NSUN7: variants seen among roughly 807,000 people sequenced by gnomAD.
The protein encoded by NSUN7 is NOP2/Sun RNA methyltransferase family member 7.
NSUN7 carries 39 observed loss-of-function variants against 58.5 expected under a neutral mutation model. That is an observed-to-expected ratio of 0.67 (90% CI 0.52 to 0.87). NSUN7 has a LOEUF of 0.87. NSUN7 is among the 40% of genes least tolerant of loss of function. NSUN7 has a pLI of 0.00. For missense variants in NSUN7, 765 were observed against 844.1 expected, an observed-to-expected ratio of 0.91 and a Z score of 1.16; for synonymous variants, 278 against 303.7, an observed-to-expected ratio of 0.92 and a Z score of 0.88.
intron 4 of NSUN7, among the ~76,000 whole-genome samples, chr4:40,764,037 G>A (rs1047686433): frequency 3.3e-5 from 5 of 151,706 alleles, no homozygotes; most frequent in Admixed American, 6.6e-5. Flanking sequence ...TATTTTACTC[G>A]AGTCTTCTTT....
intron 10 of NSUN7, among the ~76,000 whole-genome samples, chr4:40,801,411 A>C (rs1743574345): frequency 6.6e-6 from 1 of 152,136 alleles, no homozygotes. Flanking sequence ...ATAATTTTAA[A>C]TTGTTATAGT....
intron 11 of NSUN7, among the ~76,000 whole-genome samples, chr4:40,807,594 C>T (rs948372952): frequency 2.6e-5 from 4 of 151,964 alleles, no homozygotes; most frequent in Admixed American, 2.6e-4. Flanking sequence ...GATCCACTTG[C>T]CTCGGCCTCA....
chr4:40,805,324 G>A (rs922199701), intron 10 of NSUN7, among the ~76,000 whole-genome samples: 9 of 152,084 alleles, frequency 5.9e-5, no homozygotes, highest in Admixed American at 3.9e-4. Context: ...TTGTGTTTGC[G>A]GGACTGAGGT....
intron 4 of NSUN7, among the ~76,000 whole-genome samples, chr4:40,773,974 T>C (rs993717999): frequency 2.6e-5 from 4 of 151,984 alleles, no homozygotes. Context: ...AATTTTGTAT[T>C]TTTAGTAGAG....
At chr4:40,765,574 G>C (rs1332989601) in intron 4 of NSUN7, among the ~76,000 whole-genome samples, 3 of 151,944 alleles carry the variant, frequency 2.0e-5, no homozygotes, top group South Asian at 4.2e-4. Flanking sequence ...GCTCTTTTTT[G>C]GTTCCATATG....
intron 4 of NSUN7, among the ~76,000 whole-genome samples, chr4:40,761,580 C>G (rs973414065): frequency 2.9e-4 from 44 of 152,158 alleles, no homozygotes; most frequent in African/African-American, 1.0e-3. Context: ...ATAAATTAAA[C>G]TGTATTTGAA....
In NSUN7 at chr4:40,786,268, G is replaced by T. The variant is rs1220465389; in HGVS notation, c.1037-4334G>T. 5 of 1,613,638 alleles carry T rather than the reference G, an allele frequency of 3.1e-6. No individual in the cohort carries two copies. In the African/African-American group the frequency reaches 6.7e-5, roughly 22 times the overall value. On this transcript the variant is annotated intron_variant, in intron 7 of 11. Coordinates refer to ENST00000381782, the MANE Select transcript of NSUN7 (RefSeq NM_024677.6). ...ATTTGTAAATACCGTACCTACCAAA[G>T]GATTTAACACTGAGAAAATTAAGGT...
intron 4 of NSUN7, among the ~76,000 whole-genome samples, chr4:40,769,164 A>G (rs994032014): frequency 1.3e-5 from 2 of 152,198 alleles, no homozygotes; most frequent in African/African-American, 4.8e-5. Flanking sequence ...ATCCAAATCT[A>G]TGCCACCATA....
At chr4:40,786,727 T>C in intron 7 of NSUN7, 1 of 1,542,490 alleles carries the variant, frequency 6.5e-7, no homozygotes, top group South Asian at 1.3e-5. Context: ...TCAATACCTA[T>C]TATATCTGTG....
At chr4:40,790,164 C>T (rs1017823140) in intron 7 of NSUN7, among the ~76,000 whole-genome samples, 1 of 145,178 alleles carries the variant, frequency 6.9e-6, no homozygotes, top group African/African-American at 2.6e-5. Context: ...ATATAATAGA[C>T]AGCACGCTAA....
intron 11 of NSUN7, among the ~76,000 whole-genome samples, chr4:40,807,834 G>A (rs1398557866): frequency 6.6e-6 from 1 of 151,876 alleles, no homozygotes; most frequent in African/African-American, 2.4e-5. Flanking sequence ...CTGAGGTCAG[G>A]AGTTCGAGAC....
At chr4:40,765,840 G>A (rs1021323303) in intron 4 of NSUN7, among the ~76,000 whole-genome samples, 13 of 152,090 alleles carry the variant, frequency 8.5e-5, no homozygotes, top group Admixed American at 2.6e-4. Flanking sequence ...TCTCTTTGAA[G>A]CAATTGTGAA....
intron 4 of NSUN7, among the ~76,000 whole-genome samples, chr4:40,772,482 TGTA>T (rs1171469505): frequency 6.6e-6 from 1 of 152,198 alleles, no homozygotes; most frequent in Non-Finnish European, 1.5e-5. Context: ...CTAATTTTAT[TGTA>T]GTCCCAAAAG....
chr4:40,757,716 GTGTA>G (rs1300441560), intron 2 of NSUN7, among the ~76,000 whole-genome samples: 2 of 62,640 alleles, frequency 3.2e-5, no homozygotes, highest in South Asian at 7.7e-4. Flanking sequence ...TTGTGTGTGT[GTGTA>G]TATATACACA....
At chr4:40,801,916 A>G (rs1395014954) in intron 10 of NSUN7, among the ~76,000 whole-genome samples, 1 of 150,886 alleles carries the variant, frequency 6.6e-6, no homozygotes, top group East Asian at 1.9e-4. Context: ...AAAAAAAAAA[A>G]AAAGAAAAGA....
At chr4:40,770,327 C>A (rs777997678) in intron 4 of NSUN7, among the ~76,000 whole-genome samples, 1 of 151,862 alleles carries the variant, frequency 6.6e-6, no homozygotes, top group Non-Finnish European at 1.5e-5. Flanking sequence ...AACATACTTA[C>A]ACAAATCTAG....
chr4:40,807,091 C>G lies in NSUN7; in HGVS notation c.1431C>G (p.Ser477=). ...RLSPPVLPLC[S]LKEIQLSTDK... The stretch of plus-strand genomic sequence containing the variant: ...GTCCTCCTGTTCTTCCACTGTGCTC[C>G]TTAAAGGAAATTCAATTGTCTACTG... The change falls in exon 11 of 12, where the codon TCC becomes TCG. Residue 477 remains serine (S), a synonymous_variant. Transcript: ENST00000381782. The G allele has an allele frequency of 6.4e-7, 1 of 1,551,750 alleles. No individual in the cohort carries two copies. Among genetic ancestry groups the G allele is most frequent in the Non-Finnish European group, 8.7e-7 (1 of 1,146,904 alleles).
chr4:40,757,178 G>A (rs528753602), intron 2 of NSUN7, among the ~76,000 whole-genome samples: 3 of 152,262 alleles, frequency 2.0e-5, no homozygotes, highest in East Asian at 1.9e-4. Context: ...GCGGTGAGCC[G>A]AGATTGCACC....
chr4:40,773,682 CAAA>C (rs748446945), intron 4 of NSUN7, among the ~76,000 whole-genome samples: 1 of 116,118 alleles, frequency 8.6e-6, no homozygotes, highest in African/African-American at 3.1e-5. Context: ...GACTCTATCT[CAAA>C]AAAAAAAAAA....
Sources: allele counts gnomAD v4.1 joint callset (sites outside exome capture counted in the v4.1 genomes callset), GRCh38; gene constraint gnomAD v4.1.1; transcripts MANE v1.5; gene names NCBI Gene and HGNC (gene_info 2026-07-23, HGNC 2026-07-21).